Variants in PINX1 observed in about 807,000 individuals in gnomAD.
PINX1 encodes PIN2 (TERF1) interacting telomerase inhibitor 1, also known as PIN2/TERF1-interacting telomerase inhibitor 1.
In PINX1, 34 loss-of-function variants were observed where a neutral mutation model predicts 25.4. The observed-to-expected ratio is 1.34, with a 90% CI of 1.02 to 1.78. The LOEUF is 1.78. Among genes scored for constraint, PINX1 ranks in the 40% most tolerant of loss-of-function variants. PINX1 has a pLI of 0.00. For synonymous variants in PINX1, 197 were observed against 147.7 expected (o/e 1.33, Z -2.42); for missense variants, 592 against 404.9 (o/e 1.46, Z -3.97).
intron 5 of PINX1, among the ~76,000 whole-genome samples, chr8:10,823,717 C>A (rs1293677717): frequency 2.6e-5 from 4 of 152,098 alleles, no homozygotes; most frequent in Non-Finnish European, 2.9e-5. Context: ...AGTCCCAGCA[C>A]GCTGGGAGGC....
intron 6 of PINX1, among the ~76,000 whole-genome samples, chr8:10,801,362 T>C (rs550986479): frequency 6.6e-6 from 1 of 152,356 alleles, no homozygotes; most frequent in African/African-American, 2.4e-5. Flanking sequence ...GCACATTTGC[T>C]TTATGCCTTA....
chr8:10,799,722 G>C (rs747421320), intron 6 of PINX1, among the ~76,000 whole-genome samples: 9 of 152,196 alleles, frequency 5.9e-5, no homozygotes, highest in Non-Finnish European at 1.3e-4. Context: ...TGAGTGACGG[G>C]ACATGACACA....
intron 6 of PINX1, among the ~76,000 whole-genome samples, chr8:10,807,442 G>A (rs1223844233): frequency 1.3e-5 from 2 of 148,554 alleles, no homozygotes; most frequent in African/African-American, 2.5e-5. Flanking sequence ...ACAAAACAGA[G>A]GGGAAAAAAT....
At chr8:10,798,633 G>C (rs1381043466) in intron 6 of PINX1, among the ~76,000 whole-genome samples, 2 of 152,186 alleles carry the variant, frequency 1.3e-5, no homozygotes, top group African/African-American at 2.4e-5. Flanking sequence ...TTGGCAGTAA[G>C]CCAGGTAAAA....
chr8:10,811,655 G>A (rs1232118874), intron 6 of PINX1, among the ~76,000 whole-genome samples: 1 of 152,176 alleles, frequency 6.6e-6, no homozygotes, highest in Non-Finnish European at 1.5e-5. Flanking sequence ...AGCTGGCCAG[G>A]CACCTGCTCC....
intron 6 of PINX1, among the ~76,000 whole-genome samples, chr8:10,810,256 T>C (rs1802586129): frequency 6.6e-6 from 1 of 152,198 alleles, no homozygotes; most frequent in African/African-American, 2.4e-5. Flanking sequence ...AAGACACTAC[T>C]GTTTCCTTCC....
intron 6 of PINX1, among the ~76,000 whole-genome samples, chr8:10,781,020 A>G (rs117796952): frequency 0.028 from 4,209 of 152,334 alleles, 96 homozygotes; most frequent in Non-Finnish European, 0.042. Context: ...AGACCAATGG[A>G]ACAGGTTAGA....
At chr8:10,816,557 T>C (rs1248840962) in intron 6 of PINX1, among the ~76,000 whole-genome samples, 1 of 152,236 alleles carries the variant, frequency 6.6e-6, no homozygotes, top group Non-Finnish European at 1.5e-5. Flanking sequence ...GTCACATGCT[T>C]GTCAACCCCT....
intron 6 of PINX1, among the ~76,000 whole-genome samples, chr8:10,773,951 A>G (rs747287775): frequency 1.3e-5 from 2 of 152,262 alleles, no homozygotes; most frequent in African/African-American, 4.8e-5. Flanking sequence ...GAGATGATCA[A>G]TGTGACACAG....
intron 5 of PINX1, among the ~76,000 whole-genome samples, chr8:10,825,039 C>A (rs935766789): frequency 1.3e-5 from 2 of 152,178 alleles, no homozygotes; most frequent in Non-Finnish European, 2.9e-5. Context: ...AGCGGAAGAG[C>A]CACGGCTGCT....
Position 10,832,773 on chromosome 8 carries a change from C to T in PINX1, c.222+119G>A, listed in dbSNP as rs886491818. The T allele has an allele frequency of 2.7e-5, 16 of 585,322 alleles. No individual in the cohort carries two copies. In the South Asian group the frequency reaches 3.3e-4, roughly 12 times the overall value. The allele number at this position is 585,322 out of a possible 1,614,324, so 36.3% of individuals were successfully genotyped here. A position where few individuals can be genotyped will look rare whatever the true frequency, so the allele number is the denominator to read the frequency against. ...CAAAGCGTCAGTGTTCAAGAGGAAA[C>T]GTGAATAAAAAGAAGTGCTGCACCA... On this transcript the variant is annotated intron_variant, in intron 3 of 6. Coordinates refer to ENST00000314787, the MANE Select transcript of PINX1 (RefSeq NM_017884.6).
intron 6 of PINX1, among the ~76,000 whole-genome samples, chr8:10,768,988 AAAAAT>A (rs1403451518): frequency 3.3e-5 from 5 of 152,218 alleles, no homozygotes; most frequent in African/African-American, 7.2e-5. Flanking sequence ...ATACACCTCA[AAAAAT>A]AAAATAAAAA....
chr8:10,828,015 C>T (rs967266367), intron 4 of PINX1, among the ~76,000 whole-genome samples: 15 of 152,060 alleles, frequency 9.9e-5, no homozygotes, highest in South Asian at 6.2e-4. Context: ...GAAACAAGCA[C>T]GTGTCCATTC....
chr8:10,837,193 T>C (rs1798430677), intron 1 of PINX1, among the ~76,000 whole-genome samples: 1 of 152,202 alleles, frequency 6.6e-6, no homozygotes, highest in Non-Finnish European at 1.5e-5. Context: ...GGAATTTTGG[T>C]GCCTCCCAGG....
chr8:10,768,007 G>A (rs1373442104), intron 6 of PINX1, among the ~76,000 whole-genome samples: 1 of 59,730 alleles, frequency 1.7e-5, no homozygotes, highest in Non-Finnish European at 3.3e-5. Flanking sequence ...CACAGAGACA[G>A]GCTCGGTGAC....
intron 6 of PINX1, among the ~76,000 whole-genome samples, chr8:10,780,694 A>G (rs1286322781): frequency 1.3e-5 from 2 of 152,194 alleles, no homozygotes; most frequent in Non-Finnish European, 2.9e-5. Context: ...ACTATAAAAC[A>G]CTGATGAACG....
intron 6 of PINX1, among the ~76,000 whole-genome samples, chr8:10,786,981 A>G (rs1359172966): frequency 3.9e-5 from 6 of 152,164 alleles, no homozygotes. Context: ...TTATCTCATG[A>G]GGGAACAATT....
intron 6 of PINX1, among the ~76,000 whole-genome samples, chr8:10,793,075 G>A (rs1421972717): frequency 6.6e-6 from 1 of 152,090 alleles, no homozygotes; most frequent in Admixed American, 6.6e-5. Context: ...TCTACTGAGT[G>A]CCTACTATGC....
intron 6 of PINX1, among the ~76,000 whole-genome samples, chr8:10,803,036 T>C (rs1165026162): frequency 2.0e-5 from 3 of 152,146 alleles, no homozygotes; most frequent in Middle Eastern, 3.2e-3. Context: ...AACCATTCTG[T>C]GGTGGGACTA....
Sources: gnomAD v4.1 joint callset for allele counts (sites outside exome capture counted in the v4.1 genomes callset) on GRCh38, gnomAD v4.1.1 for gene constraint, MANE v1.5 for transcripts, NCBI Gene and HGNC (gene_info 2026-07-23, HGNC 2026-07-21) for gene names.